The following RASA1 variants were observed in gnomAD, a reference collection of about 807,000 sequenced individuals.
RASA1 encodes RAS p21 protein activator 1, also known as ras GTPase-activating protein 1.
A neutral mutation model predicts 132.2 loss-of-function variants in RASA1; 25 were observed. That is an observed-to-expected ratio of 0.19 (90% CI 0.14 to 0.26). RASA1 has a LOEUF of 0.26. Among genes scored for constraint, RASA1 ranks in the 10% least tolerant of loss-of-function variants. The probability of loss-of-function intolerance (pLI) is 1.00; values close to 1 mark genes in which losing one functional copy is unlikely to be tolerated. For missense variants in RASA1, 964 were observed against 1,299.2 expected, an observed-to-expected ratio of 0.74 and a Z score of 3.97; for synonymous variants, 477 against 449.9, an observed-to-expected ratio of 1.06 and a Z score of -0.76.
intron 1 of RASA1, among the ~76,000 whole-genome samples, chr5:87,317,789 C>T (rs1756455872): frequency 6.6e-6 from 1 of 151,980 alleles, no homozygotes; most frequent in African/African-American, 2.4e-5. Context: ...GCGCATACCA[C>T]CACACTCAGC....
intron 11 of RASA1, among the ~76,000 whole-genome samples, chr5:87,368,840 A>G (rs1269237105): frequency 3.9e-5 from 6 of 152,156 alleles, no homozygotes; most frequent in Non-Finnish European, 8.8e-5. Context: ...TTGGCTCCTC[A>G]AATCTTAGCT....
At chr5:87,379,664 C>T (rs985867892) in intron 18 of RASA1, 71 bp from the exon 19 acceptor site, 1 of 1,570,450 alleles carries the variant, frequency 6.4e-7, no homozygotes, top group East Asian at 2.3e-5. Flanking sequence ...ACTATAACTA[C>T]TTGTTTTCCT....
At chr5:87,316,233 A>T (rs1353205203) in intron 1 of RASA1, among the ~76,000 whole-genome samples, 1 of 152,156 alleles carries the variant, frequency 6.6e-6, no homozygotes, top group Non-Finnish European at 1.5e-5. Flanking sequence ...GCCCTCTAAG[A>T]TGTTCTTGCT....
chr5:87,380,610 T>C lies in RASA1; in HGVS notation c.2690+15T>C, dbSNP rs1243258367. 3.1e-6 allele frequency: 5 copies of C among 1,590,972 alleles called. No homozygotes were observed. In the East Asian group the frequency reaches 9.0e-5, roughly 29 times the overall value. On this transcript the variant is annotated intron_variant, in intron 20 of 24. Transcript: ENST00000274376. Reference sequence around the variant, plus strand: ...AGAGTTGTTAGGTAAGGCTCATCAATTGATTTGTTAAATCACATACTAATA... The same window carrying C: ...AGAGTTGTTAGGTAAGGCTCATCAACTGATTTGTTAAATCACATACTAATA...
At chr5:87,352,303 TAC>T (rs142667821) in intron 8 of RASA1, among the ~76,000 whole-genome samples, 5 of 149,976 alleles carry the variant, frequency 3.3e-5, no homozygotes, top group Admixed American at 6.7e-5. Flanking sequence ...TACTTGAAGA[TAC>T]ACACACACAC....
At chr5:87,321,385 A>T (rs1756790804) in intron 1 of RASA1, among the ~76,000 whole-genome samples, 1 of 152,148 alleles carries the variant, frequency 6.6e-6, no homozygotes, top group Non-Finnish European at 1.5e-5. Flanking sequence ...CTACCTAGAG[A>T]TAGTGTCAGA....
chr5:87,292,751 A>G (rs972054169), intron 1 of RASA1, among the ~76,000 whole-genome samples: 6 of 152,162 alleles, frequency 3.9e-5, no homozygotes, highest in Non-Finnish European at 8.8e-5. Flanking sequence ...AAGAACAGAC[A>G]TGTTGATATT....
chr5:87,290,080 A>G (rs1754849393), intron 1 of RASA1, among the ~76,000 whole-genome samples: 1 of 152,160 alleles, frequency 6.6e-6, no homozygotes, highest in Non-Finnish European at 1.5e-5. Flanking sequence ...TTGCTATTTA[A>G]TGATGTTTCT....
chr5:87,344,699 T>G (rs1758722104), intron 6 of RASA1, among the ~76,000 whole-genome samples: 1 of 147,008 alleles, frequency 6.8e-6, no homozygotes, highest in African/African-American at 2.6e-5. Context: ...TTTTTTTTTT[T>G]GTAAAGATGA....
chr5:87,291,492 C>T (rs1171825395), intron 1 of RASA1, among the ~76,000 whole-genome samples: 5 of 152,152 alleles, frequency 3.3e-5, no homozygotes, highest in Non-Finnish European at 5.9e-5. Context: ...GATTGTGCCA[C>T]GGCACTCCTA....
At position 87,268,850 on chromosome 5, in the gene RASA1, T is replaced by G. The variant is rs1580179348; in HGVS notation, c.399T>G (p.Gly133=). 1 of 1,613,966 alleles carries G rather than the reference T, an allele frequency of 6.2e-7. No individual in the cohort carries two copies. Among genetic ancestry groups the G allele is most frequent in the Non-Finnish European group, 8.5e-7 (1 of 1,179,984 alleles). Residue 133 remains glycine, a synonymous_variant, in exon 1 of 25, where the codon GGT becomes GGG. Coordinates refer to ENST00000274376, the MANE Select transcript of RASA1 (RefSeq NM_002890.3). Reference sequence around the variant, plus strand: ...CTGAGACTCTCGGGCCAGGCGGCGGTTTTCCCCCTCTGCCCCCTCCCCCTT... The same window carrying G: ...CTGAGACTCTCGGGCCAGGCGGCGGGTTTCCCCCTCTGCCCCCTCCCCCTT... The part of the protein sequence containing the change: ...LLAETLGPGG[G]FPPLPPPPYL...
At chr5:87,337,361 C>A (rs1758049864) in intron 4 of RASA1, among the ~76,000 whole-genome samples, 2 of 151,914 alleles carry the variant, frequency 1.3e-5, no homozygotes, top group African/African-American at 4.8e-5. Context: ...ATAATATATC[C>A]CTTGGTACCT....
At chr5:87,307,758 TG>T (rs1046806664) in intron 1 of RASA1, among the ~76,000 whole-genome samples, 2 of 152,232 alleles carry the variant, frequency 1.3e-5, no homozygotes, top group Non-Finnish European at 2.9e-5. Flanking sequence ...AACCAACTTT[TG>T]TTTTTTTCCT....
chr5:87,376,181 A>G (rs1298053595), intron 15 of RASA1: 1 of 603,098 alleles, frequency 1.7e-6, no homozygotes, highest in Non-Finnish European at 2.9e-6. Context: ...ACACATCTCA[A>G]TCATCTCTGT....
intron 6 of RASA1, among the ~76,000 whole-genome samples, chr5:87,342,028 C>T (rs1222058926): frequency 6.6e-6 from 1 of 152,076 alleles, no homozygotes; most frequent in African/African-American, 2.4e-5. Context: ...AAGATATATT[C>T]TGAGTTCATT....
intron 18 of RASA1, 135 bp from the exon 19 acceptor site, chr5:87,379,600 C>A: frequency 8.0e-7 from 1 of 1,248,498 alleles, no homozygotes; most frequent in Non-Finnish European, 1.1e-6. Flanking sequence ...TCCCATTATA[C>A]AAAGAAAAAA....
At chr5:87,329,604 A>T (rs1439371615) in intron 1 of RASA1, among the ~76,000 whole-genome samples, 1 of 152,212 alleles carries the variant, frequency 6.6e-6, no homozygotes, top group East Asian at 1.9e-4. Flanking sequence ...AGATTAAAGA[A>T]AAACCTTTTT....
intron 9 of RASA1, among the ~76,000 whole-genome samples, chr5:87,354,988 T>C (rs1759543885): frequency 6.6e-6 from 1 of 152,070 alleles, no homozygotes; most frequent in Non-Finnish European, 1.5e-5. Flanking sequence ...GTGAGGAAGC[T>C]CCAGAAGAAA....
chr5:87,331,167 T>G, intron 1 of RASA1, 181 bp from the exon 2 acceptor site: 1 of 899,658 alleles, frequency 1.1e-6, no homozygotes, highest in Non-Finnish European at 1.8e-6. Context: ...ACCAAGTAAA[T>G]GAGTATTTTT....
Sources: gnomAD v4.1 joint callset for allele counts (sites outside exome capture counted in the v4.1 genomes callset) on GRCh38, gnomAD v4.1.1 for gene constraint, MANE v1.5 for transcripts, NCBI Gene and HGNC (gene_info 2026-07-23, HGNC 2026-07-21) for gene names.